MRTFB: variants seen among roughly 807,000 people sequenced by gnomAD.
The protein encoded by MRTFB is myocardin-related transcription factor B.
A neutral mutation model predicts 104.2 loss-of-function variants in MRTFB; 29 were observed. The ratio of observed to expected loss-of-function variants is 0.28; its 90% CI spans 0.21 to 0.38. The LOEUF is 0.38. Ranked by LOEUF, MRTFB falls within the 10% of genes least tolerant of loss-of-function variation. The probability of loss-of-function intolerance (pLI) is 1.00; values close to 1 mark genes in which losing one functional copy is unlikely to be tolerated. For synonymous variants in MRTFB, 535 were observed against 519.5 expected (o/e 1.03, Z -0.41); for missense variants, 1,270 against 1,341.6 (o/e 0.95, Z 0.83).
At chr16:14,159,803 G>A (rs1045187390) in intron 3 of MRTFB, among the ~76,000 whole-genome samples, 13 of 149,674 alleles carry the variant, frequency 8.7e-5, no homozygotes, top group African/African-American at 2.0e-4. Flanking sequence ...AGTGGCGGGC[G>A]CCTGTAGTCC....
At chr16:14,039,969 A>T in the MRTFB span, among the ~76,000 whole-genome samples, 10 of 152,032 alleles carry the variant, frequency 6.6e-5, no homozygotes, top group Non-Finnish European at 1.3e-4. Flanking sequence ...GCTGGTCTTG[A>T]ACTCCCAACC....
chr16:14,212,449 TTCTCTCCTCTCTTC>T (rs1375453909), intron 5 of MRTFB, 40 bp downstream of exon 5: 1 of 1,577,124 alleles, frequency 6.3e-7, no homozygotes, highest in Non-Finnish European at 8.7e-7. Context: ...TTCTCTCTCC[TTCTCTCCTCTCTTC>T]TAAAATACCT....
At chr16:14,143,037 CAGT>C (rs1284777376) in intron 3 of MRTFB, 1 of 152,140 alleles carries the variant, frequency 6.6e-6, no homozygotes, top group Non-Finnish European at 1.5e-5. Flanking sequence ...GTGTTTTTAT[CAGT>C]AGTAGAACCC....
the MRTFB span, among the ~76,000 whole-genome samples, chr16:14,002,567 T>C: frequency 6.6e-6 from 1 of 152,158 alleles, no homozygotes; most frequent in Non-Finnish European, 1.5e-5. Flanking sequence ...GCCTGCATCA[T>C]CGACAATTCT....
chr16:14,169,166 C>A (rs2039343406), intron 3 of MRTFB, among the ~76,000 whole-genome samples: 1 of 152,078 alleles, frequency 6.6e-6, no homozygotes, highest in South Asian at 2.1e-4. Context: ...TTACCTATCC[C>A]CCTCCGACCA....
At chr16:14,018,512 C>T in the MRTFB span, among the ~76,000 whole-genome samples, 15,570 of 152,160 alleles carry the variant, frequency 0.1, 899 homozygotes, top group African/African-American at 0.14. Flanking sequence ...TTCTGGACTA[C>T]GTATTATTCT....
chr16:14,143,490 A>G (rs1202319381), intron 3 of MRTFB: 3 of 149,672 alleles, frequency 2.0e-5, no homozygotes, highest in African/African-American at 7.4e-5. Flanking sequence ...AATAAATCCC[A>G]TATTTGGTAG....
the MRTFB span, among the ~76,000 whole-genome samples, chr16:14,029,506 CATATATAT>C: frequency 3.7e-5 from 4 of 108,926 alleles, no homozygotes; most frequent in Non-Finnish European, 5.8e-5. Context: ...TATATATACA[CATATATAT>C]ACACACACAC....
the MRTFB span, among the ~76,000 whole-genome samples, chr16:13,995,989 C>G: frequency 6.6e-6 from 1 of 152,016 alleles, no homozygotes; most frequent in African/African-American, 2.4e-5. Context: ...GTTAACCAGG[C>G]AGCCGGGCAC....
At chr16:14,150,273 A>G (rs2142766902) in intron 3 of MRTFB, among the ~76,000 whole-genome samples, 1 of 152,340 alleles carries the variant, frequency 6.6e-6, no homozygotes, top group Middle Eastern at 3.4e-3. Flanking sequence ...TAAATCAAGT[A>G]TAGAGAATAG....
chr16:14,175,483 C>A lies in MRTFB; in HGVS notation c.154+34723C>A, dbSNP rs115072235. ...TAGCATTCTCCTATATGCATTTACT[C>A]ATTTATTCATTCATTATGGGCAGAT... is the stretch of plus-strand genomic sequence containing the variant. On this transcript the variant is annotated intron_variant, in intron 3 of 16. Transcript: ENST00000571589. Among the ~76,000 whole-genome samples the A allele has an allele frequency of 9.5e-4, 145 of 152,286 alleles. 1 individual carries two copies. The highest frequency in any genetic ancestry group is 3.4e-3 in the African/African-American group (141 of 41,560).
At chr16:14,203,726 C>T (rs2040816348) in intron 3 of MRTFB, among the ~76,000 whole-genome samples, 3 of 148,430 alleles carry the variant, frequency 2.0e-5, no homozygotes, top group South Asian at 4.3e-4. Context: ...ATCACTTGAA[C>T]CCAGGAGACA....
upstream of MRTFB, among the ~76,000 whole-genome samples, chr16:14,068,579 G>A (rs916167454): frequency 8.5e-5 from 13 of 152,082 alleles, no homozygotes; most frequent in Admixed American, 2.0e-4. Flanking sequence ...GTGTCGTTGC[G>A]TGTTGTGTGT....
chr16:14,265,514 T>A lies in MRTFB; in HGVS notation c.*4070T>A, dbSNP rs952663022. The A allele has an allele frequency of 1.3e-5, 2 of 152,238 alleles. No homozygotes were observed. Among genetic ancestry groups the A allele is most frequent in the African/African-American group, 4.8e-5 (2 of 41,460 alleles). 9.4% of individuals were successfully genotyped at this position (152,238 alleles called of 1,614,324 possible). On this transcript the variant is annotated 3_prime_UTR_variant, in exon 17 of 17. Transcript: ENST00000571589. ...GGAAAACAACTAAGATGTAGTAATTTTTTTTTCCTGGTTCAAACCTTCAAT... is the reference window on the plus strand; with the variant it reads ...GGAAAACAACTAAGATGTAGTAATTATTTTTTCCTGGTTCAAACCTTCAAT...
At chr16:14,018,433 T>C in the MRTFB span, among the ~76,000 whole-genome samples, 125 of 152,364 alleles carry the variant, frequency 8.2e-4, 1 homozygote, top group Middle Eastern at 6.8e-3. Context: ...TTTAGTTTTA[T>C]TGTTTATTTT....
At chr16:14,174,465 T>C (rs2039519302) in intron 3 of MRTFB, among the ~76,000 whole-genome samples, 1 of 152,132 alleles carries the variant, frequency 6.6e-6, no homozygotes, top group African/African-American at 2.4e-5. Flanking sequence ...GGCGGATCAC[T>C]TGAGGTGAAG....
intron 1 of MRTFB, among the ~76,000 whole-genome samples, chr16:14,076,446 C>T (rs1168293217): frequency 7.2e-5 from 11 of 152,170 alleles, no homozygotes; most frequent in African/African-American, 1.4e-4. Flanking sequence ...CCACCTGCAT[C>T]GGCCTCCCAA....
intron 2 of MRTFB, among the ~76,000 whole-genome samples, chr16:14,139,585 C>G (rs1445152158): frequency 1.3e-5 from 2 of 152,192 alleles, no homozygotes; most frequent in Non-Finnish European, 2.9e-5. Context: ...CATGCTTTTA[C>G]TTCTCTTGGG....
chr16:14,058,872 C>A, the MRTFB span, among the ~76,000 whole-genome samples: 1 of 151,546 alleles, frequency 6.6e-6, no homozygotes, highest in East Asian at 1.9e-4. Flanking sequence ...GTGCGTGCCA[C>A]CACGCCCAGC....
Sources: allele counts gnomAD v4.1 joint callset (sites outside exome capture counted in the v4.1 genomes callset), GRCh38; gene constraint gnomAD v4.1.1; transcripts MANE v1.5; gene names NCBI Gene and HGNC (gene_info 2026-07-23, HGNC 2026-07-21).